Variants in RAP1B observed in about 807,000 individuals in gnomAD.
The protein encoded by RAP1B is RAP1B, member of RAS oncogene family, also known as ras-related protein Rap-1b.
In RAP1B, 1 loss-of-function variant was observed where a neutral mutation model predicts 27.5. The ratio of observed to expected loss-of-function variants is 0.04; its 90% CI spans 0.01 to 0.17. RAP1B has a LOEUF of 0.17. Among genes scored for constraint, RAP1B ranks in the 10% least tolerant of loss-of-function variants. The pLI is 1.00. For synonymous variants in RAP1B, 75 were observed against 73.1 expected (o/e 1.03, Z -0.13); for missense variants, 84 against 214.8 (o/e 0.39, Z 3.81).
At chr12:68,628,168 C>T (rs766144442) in intron 1 of RAP1B, among the ~76,000 whole-genome samples, 5 of 152,102 alleles carry the variant, frequency 3.3e-5, no homozygotes, top group Non-Finnish European at 5.9e-5. Context: ...AGCTAGGGCA[C>T]AAGTACTTGA....
intron 5 of RAP1B, among the ~76,000 whole-genome samples, chr12:68,655,054 T>G (rs1451400896): frequency 6.6e-6 from 1 of 152,088 alleles, no homozygotes; most frequent in Non-Finnish European, 1.5e-5. Context: ...CTCACACCTC[T>G]AATCCCAGCA....
At position 68,664,146 on chromosome 12, in the gene RAP1B, A is replaced by G. The variant is rs2956525; in HGVS notation, c.*4897A>G. 1.2e-4 allele frequency: 19 copies of G among 152,182 alleles called. No individual in the cohort carries two copies. Among genetic ancestry groups the G allele is most frequent in the Non-Finnish European group, 2.4e-4 (16 of 68,036 alleles). 9.4% of individuals were successfully genotyped at this position (152,182 alleles called of 1,614,324 possible). A position where few individuals can be genotyped will look rare whatever the true frequency, so the allele number is the denominator to read the frequency against. On this transcript the variant is annotated 3_prime_UTR_variant, in exon 8 of 8. Transcript: ENST00000250559. ...TCAAAATGCAGGGTTTTTTCCTGAA[A>G]ACAAAACAGCACACACATATATTAC...
At chr12:68,612,499 A>T (rs1870677483) in intron 1 of RAP1B, among the ~76,000 whole-genome samples, 1 of 152,214 alleles carries the variant, frequency 6.6e-6, no homozygotes, top group Non-Finnish European at 1.5e-5. Flanking sequence ...TGAGGCCTAG[A>T]TAAGATAACC....
intron 1 of RAP1B, among the ~76,000 whole-genome samples, chr12:68,634,141 TTAGGTG>T (rs1013220205): frequency 2.6e-5 from 4 of 152,186 alleles, no homozygotes; most frequent in African/African-American, 7.2e-5. Flanking sequence ...TTGAAGTCCT[TTAGGTG>T]TCTTAAGCAC....
intron 4 of RAP1B, among the ~76,000 whole-genome samples, chr12:68,653,678 C>T (rs1873983016): frequency 6.6e-6 from 1 of 152,022 alleles, no homozygotes; most frequent in South Asian, 2.1e-4. Flanking sequence ...CCTGTAATCC[C>T]AGCACTTTGG....
chr12:68,619,643 T>C (rs1205056329), intron 1 of RAP1B, among the ~76,000 whole-genome samples: 1 of 152,240 alleles, frequency 6.6e-6, no homozygotes, highest in South Asian at 2.1e-4. Context: ...AACTGTCTAA[T>C]GTATTTTGTA....
At position 68,656,350 on chromosome 12, in the gene RAP1B, A is replaced by G. The variant is rs1255428182; in HGVS notation, c.369A>G (p.Glu123=). The change falls in exon 6 of 8, where the codon GAA becomes GAG. Residue 123 remains glutamate, a synonymous_variant. Coordinates refer to ENST00000250559, the MANE Select transcript of RAP1B (RefSeq NM_001010942.3). The stretch of plus-strand genomic sequence containing the variant: ...GTAATAAGTGTGACTTGGAAGATGA[A>G]AGAGTTGTAGGGAAGGAACAAGGTC... The part of the protein sequence containing the change: ...LVGNKCDLED[E]RVVGKEQGQN... 3.7e-6 allele frequency: 6 copies of G among 1,608,266 alleles called. No individual in the cohort carries two copies. Among genetic ancestry groups the G allele is most frequent in the Non-Finnish European group, 5.1e-6 (6 of 1,174,984 alleles).
At chr12:68,646,908 T>G (rs139650767) in intron 1 of RAP1B, among the ~76,000 whole-genome samples, 2 of 152,300 alleles carry the variant, frequency 1.3e-5, no homozygotes, top group African/African-American at 4.8e-5. Context: ...CATTGTAGAT[T>G]TTTTCGGATT....
chr12:68,634,466 A>T (rs1295715912), intron 1 of RAP1B, among the ~76,000 whole-genome samples: 2 of 152,166 alleles, frequency 1.3e-5, no homozygotes, highest in African/African-American at 4.8e-5. Context: ...ACAGGGAAAA[A>T]AGGACATTTT....
intron 1 of RAP1B, among the ~76,000 whole-genome samples, chr12:68,636,739 C>T (rs958911129): frequency 6.6e-6 from 1 of 150,552 alleles, no homozygotes; most frequent in Non-Finnish European, 1.5e-5. Context: ...TTTTTTGAGA[C>T]GGAGTCTCTG....
At chr12:68,614,449 A>G (rs996200972) in intron 1 of RAP1B, among the ~76,000 whole-genome samples, 1 of 152,226 alleles carries the variant, frequency 6.6e-6, no homozygotes, top group Non-Finnish European at 1.5e-5. Context: ...GACTGGCACT[A>G]GGAGTAATTT....
chr12:68,650,934 ATTTTAG>A (rs1873770503), intron 3 of RAP1B: 1 of 152,424 alleles, frequency 6.6e-6, no homozygotes, highest in Non-Finnish European at 1.5e-5. Context: ...TTATTTTCTG[ATTTTAG>A]AATATTTGTA....
At chr12:68,618,693 C>A (rs926891025) in intron 1 of RAP1B, among the ~76,000 whole-genome samples, 2 of 152,136 alleles carry the variant, frequency 1.3e-5, no homozygotes, top group African/African-American at 4.8e-5. Flanking sequence ...GGTTAGAGTA[C>A]TTCACTGTCC....
At chr12:68,619,143 GGTT>G (rs1871224236) in intron 1 of RAP1B, among the ~76,000 whole-genome samples, 1 of 152,110 alleles carries the variant, frequency 6.6e-6, no homozygotes, top group African/African-American at 2.4e-5. Context: ...GAAATATAAT[GGTT>G]GTTTCTAGGG....
chr12:68,619,453 C>G (rs1422058762), intron 1 of RAP1B, among the ~76,000 whole-genome samples: 4 of 152,114 alleles, frequency 2.6e-5, no homozygotes, highest in African/African-American at 9.7e-5. Flanking sequence ...TTATAAAAAT[C>G]ATACATGGGT....
rs1022320294 is a variant in RAP1B, at chr12:68,665,267, GT to G, written c.*6019del. ...CTAAAGCAACAGATTTGCCAGCTGT[GT>G]GAAAGATAACCCAGAGAGGGGTAAT... On this transcript the variant is annotated 3_prime_UTR_variant, in exon 8 of 8. Transcript: ENST00000250559. 1 of 152,238 alleles carries G rather than the reference GT, an allele frequency of 6.6e-6. No individual in the cohort carries two copies. The highest frequency in any genetic ancestry group is 2.4e-5 in the African/African-American group (1 of 41,442). 9.4% of individuals were successfully genotyped at this position (152,238 alleles called of 1,614,324 possible).
At position 68,668,081 on chromosome 12, in the gene RAP1B, A is replaced by T. The variant is rs117162735; in HGVS notation, c.*8832A>T. On this transcript the variant is annotated 3_prime_UTR_variant, in exon 8 of 8. Coordinates refer to ENST00000250559, the MANE Select transcript of RAP1B (RefSeq NM_001010942.3). Reference sequence around the variant, plus strand: ...CTCTGAACCAGTACAGGATATTCTCATGGTCAGGGCATTCTCTCCTTGGCA... The same window carrying T: ...CTCTGAACCAGTACAGGATATTCTCTTGGTCAGGGCATTCTCTCCTTGGCA... 874 of 151,942 alleles carry T rather than the reference A, an allele frequency of 5.8e-3. 5 individuals are homozygous for T. The highest frequency in any genetic ancestry group is 9.7e-3 in the Non-Finnish European group (660 of 67,930). The allele number at this position is 151,942 out of a possible 1,614,324, so 9.4% of individuals were successfully genotyped here.
chr12:68,635,155 TTTATA>T (rs1375516641), intron 1 of RAP1B, among the ~76,000 whole-genome samples: 1 of 152,174 alleles, frequency 6.6e-6, no homozygotes, highest in African/African-American at 2.4e-5. Flanking sequence ...TTCTATTTAT[TTTATA>T]GTTCCTTGTT....
chr12:68,629,280 A>G (rs1438671894), intron 1 of RAP1B, among the ~76,000 whole-genome samples: 4 of 152,174 alleles, frequency 2.6e-5, no homozygotes, highest in African/African-American at 9.6e-5. Context: ...TGCCCAGCCA[A>G]ATCCTTTATC....
Sources: allele counts gnomAD v4.1 joint callset (sites outside exome capture counted in the v4.1 genomes callset), GRCh38; gene constraint gnomAD v4.1.1; transcripts MANE v1.5; gene names NCBI Gene and HGNC (gene_info 2026-07-23, HGNC 2026-07-21).